TBC1D8: variants seen among roughly 807,000 people sequenced by gnomAD.
TBC1D8 encodes TBC1 domain family member 8.
TBC1D8 carries 65 observed loss-of-function variants against 118.8 expected under a neutral mutation model. That is an observed-to-expected ratio of 0.55 (90% confidence interval 0.45 to 0.67). The LOEUF is 0.67. TBC1D8 is among the 30% of genes least tolerant of loss of function. TBC1D8 has a pLI of 0.00. For synonymous variants in TBC1D8, 566 were observed against 595.8 expected, an observed-to-expected ratio of 0.95 and a Z score of 0.73; for missense variants, 1,376 against 1,471.2, an observed-to-expected ratio of 0.94 and a Z score of 1.06.
chr2:101,110,452 C>T (rs1677517728), intron 1 of TBC1D8, among the ~76,000 whole-genome samples: 1 of 152,182 alleles, frequency 6.6e-6, no homozygotes, highest in Non-Finnish European at 1.5e-5. Flanking sequence ...CCTTCCCTAA[C>T]AGCTTTGGGC....
chr2:101,012,014 TGAA>T (rs1426567384), intron 17 of TBC1D8, among the ~76,000 whole-genome samples: 1 of 150,614 alleles, frequency 6.6e-6, no homozygotes, highest in Non-Finnish European at 1.5e-5. Flanking sequence ...TTTTAAAAGT[TGAA>T]GAAAAGCCTT....
intron 6 of TBC1D8, among the ~76,000 whole-genome samples, 166 bp from the exon 7 acceptor site, chr2:101,038,821 C>T (rs1326505233): frequency 6.6e-6 from 1 of 152,162 alleles, no homozygotes; most frequent in Non-Finnish European, 1.5e-5. Flanking sequence ...CAAGGGGAGG[C>T]TGTGCAAGGC....
intron 2 of TBC1D8, among the ~76,000 whole-genome samples, chr2:101,088,958 G>GAA (rs77084733): frequency 9.3e-5 from 14 of 150,560 alleles, no homozygotes; most frequent in East Asian, 2.0e-4. Flanking sequence ...AAAACAAACT[G>GAA]AAAAAAAAAT....
intron 1 of TBC1D8, among the ~76,000 whole-genome samples, chr2:101,134,437 C>A (rs1678752367): frequency 6.6e-6 from 1 of 152,176 alleles, no homozygotes; most frequent in Non-Finnish European, 1.5e-5. Context: ...TTAGCTCAGG[C>A]TGCTATAACA....
Position 101,055,051 on chromosome 2 carries a change from C to T in TBC1D8, c.403-715G>A, listed in dbSNP as rs139444592. Among the ~76,000 whole-genome samples the T allele has an allele frequency of 5.7e-3, 867 of 152,096 alleles. 2 individuals are homozygous for T. Among genetic ancestry groups the T allele is most frequent in the Non-Finnish European group, 8.1e-3 (553 of 67,988 alleles). On this transcript the variant is annotated intron_variant, in intron 3 of 19. Transcript: ENST00000409318. ...AAAAGGACTGGCTCAGGCCTGTGAA[C>T]TCAGCATCAATCCCAAAGAACTACC...
At chr2:101,113,479 C>T (rs1411159766) in intron 1 of TBC1D8, among the ~76,000 whole-genome samples, 1 of 152,116 alleles carries the variant, frequency 6.6e-6, no homozygotes, top group Non-Finnish European at 1.5e-5. Context: ...TGCAGAAAGG[C>T]TGTTAAACTT....
intron 1 of TBC1D8, among the ~76,000 whole-genome samples, chr2:101,138,731 G>A (rs1249928207): frequency 6.6e-6 from 1 of 152,146 alleles, no homozygotes; most frequent in Non-Finnish European, 1.5e-5. Flanking sequence ...CTCTCTGGGT[G>A]GGCTACCCTC....
chr2:101,079,976 G>A (rs568560572), intron 2 of TBC1D8, among the ~76,000 whole-genome samples: 117 of 151,992 alleles, frequency 7.7e-4, no homozygotes, highest in African/African-American at 2.7e-3. Context: ...GTGAGCCACC[G>A]CGCCCAGCCC....
chr2:101,040,200 T>G lies in TBC1D8; in HGVS notation c.1058A>C (p.Lys353Thr). The change falls in exon 6 of 20, where the codon AAG (lysine) becomes ACG (threonine). Residue 353 changes from lysine (K) to threonine (T), a missense_variant. By Grantham distance (78) the Lys-to-Thr change is moderately conservative. Transcript: ENST00000409318. ...TACCTCTCTGAGTGGCAGGATGATC[T>G]TACAGCAGCCATCTTCTCTGCTGGC... The part of the protein sequence containing the change: ...CFASREDGCC[K>T]IILPLREVVS... 1.2e-6 allele frequency: 2 copies of G among 1,614,010 alleles called. No individual in the cohort carries two copies. The highest frequency in any genetic ancestry group is 1.7e-6 in the Non-Finnish European group (2 of 1,179,882).
At chr2:101,131,328 C>G (rs1678581760) in intron 1 of TBC1D8, among the ~76,000 whole-genome samples, 1 of 151,782 alleles carries the variant, frequency 6.6e-6, no homozygotes, top group African/African-American at 2.4e-5. Context: ...GCCTGACCAA[C>G]AGGGAGAAAA....
chr2:101,032,077 C>A (rs2105388970), intron 11 of TBC1D8, among the ~76,000 whole-genome samples, 191 bp downstream of exon 11: 1 of 152,300 alleles, frequency 6.6e-6, no homozygotes, highest in African/African-American at 2.4e-5. Context: ...TTTCTTTATT[C>A]CACTACATTG....
chr2:101,105,444 CT>C (rs1181777577), intron 1 of TBC1D8, among the ~76,000 whole-genome samples: 3 of 151,858 alleles, frequency 2.0e-5, no homozygotes, highest in African/African-American at 7.3e-5. Context: ...CAAAAATCAG[CT>C]TGGCATGGTG....
At position 101,036,100 on chromosome 2, in the gene TBC1D8, C is replaced by T; in HGVS notation, c.1521G>A (p.Met507Ile). Residue 507 changes from methionine to isoleucine, a missense_variant, in exon 9 of 20, where the codon ATG becomes ATA. Physicochemically the swap from Met to Ile is conservative, Grantham distance 10 (BLOSUM62 1). Coordinates refer to ENST00000409318, the MANE Select transcript of TBC1D8 (RefSeq NM_001330348.2). ...GCTTCCGAATCTTCTCTGTGCGAAA[C>T]ATACACACGGTTCTGCCGTATTCCA... ...HFVEYGRTVC[M>I]FRTEKIRKLV... 2.5e-6 allele frequency: 4 copies of T among 1,614,026 alleles called. No individual in the cohort carries two copies. Among genetic ancestry groups the T allele is most frequent in the Non-Finnish European group, 2.5e-6 (3 of 1,179,904 alleles).
At chr2:101,040,852 C>T (rs544947351) in intron 5 of TBC1D8, among the ~76,000 whole-genome samples, 3 of 152,378 alleles carry the variant, frequency 2.0e-5, no homozygotes, top group South Asian at 2.1e-4. Context: ...TGCTGGTGCA[C>T]GTGGGCATCC....
chr2:101,151,136 GGCCGCCCCCCTC>G lies in TBC1D8; in HGVS notation c.106_117del (p.Glu36_Gly39del). ...CCGGCGAGCCCCTTACCGGTGAGGC[GGCCGCCCCCCTC>G]GCCGTGCCCGCGGCGCCGCTGCAGG... On this transcript the variant is annotated inframe_deletion, in exon 1 of 20. Coordinates refer to ENST00000409318, the MANE Select transcript of TBC1D8 (RefSeq NM_001330348.2). 8.6e-7 allele frequency: 1 copy of G among 1,163,168 alleles called. No individual in the cohort carries two copies. The highest frequency in any genetic ancestry group is 1.1e-6 in the Non-Finnish European group (1 of 922,432). 72.1% of individuals were successfully genotyped at this position (1,163,168 alleles called of 1,614,324 possible).
chr2:101,090,427 G>C, intron 1 of TBC1D8, 63 bp from the exon 2 acceptor site: 1 of 1,561,254 alleles, frequency 6.4e-7, no homozygotes, highest in Non-Finnish European at 8.8e-7. Context: ...CCTCATGCGT[G>C]TGAGGCATGT....
intron 1 of TBC1D8, among the ~76,000 whole-genome samples, chr2:101,102,604 C>T (rs912192922): frequency 6.7e-6 from 1 of 149,240 alleles, no homozygotes; most frequent in Admixed American, 6.7e-5. Context: ...TTAAGACTCA[C>T]ATAGGTTAAA....
chr2:101,017,753 C>T, intron 17 of TBC1D8: 2 of 1,282,694 alleles, frequency 1.6e-6, no homozygotes, highest in Non-Finnish European at 2.2e-6. Flanking sequence ...GGTCAAGTGA[C>T]AAAAAGGATA....
chr2:101,100,727 T>C (rs1676770885), intron 1 of TBC1D8, among the ~76,000 whole-genome samples: 1 of 151,874 alleles, frequency 6.6e-6, no homozygotes, highest in South Asian at 2.1e-4. Flanking sequence ...ACCTCAGAAA[T>C]AACACCACAC....
Sources: allele counts gnomAD v4.1 joint callset (sites outside exome capture counted in the v4.1 genomes callset), GRCh38; gene constraint gnomAD v4.1.1; transcripts MANE v1.5; gene names NCBI Gene and HGNC (gene_info 2026-07-23, HGNC 2026-07-21).